ITGA2B: variants seen among roughly 807,000 people sequenced by gnomAD.
ITGA2B encodes integrin subunit alpha 2b, also known as integrin alpha-IIb.
A neutral mutation model predicts 142.0 loss-of-function variants in ITGA2B; 91 were observed. That is an observed-to-expected ratio of 0.64 (90% CI 0.54 to 0.76). ITGA2B has a LOEUF of 0.76. ITGA2B is among the 30% of genes least tolerant of loss of function. The pLI, the probability that ITGA2B is intolerant of heterozygous loss-of-function variation, is 0.00. For synonymous variants in ITGA2B, 536 were observed against 567.2 expected (o/e 0.94, Z 0.78); for missense variants, 1,231 against 1,350.8 (o/e 0.91, Z 1.39).
At chr17:44,372,471 G>T in intron 29 of ITGA2B, 48 bp from the exon 30 acceptor site, 1 of 1,567,528 alleles carries the variant, frequency 6.4e-7, no homozygotes, top group Non-Finnish European at 8.8e-7. Context: ...TGATTTGCTG[G>T]CCCCAGAGCA....
rs1213310591 is a variant in ITGA2B at position 44,389,412 on chromosome 17, A to C, written c.62T>G (p.Leu21Trp). ...LWLLEWVLLL[L>W]GPCAAPPAWA... ...GGCTGGAGGGGCAGCACAAGGTCCC[A>C]AGAGCAGCAGCACCCACTCCAGAAG... is the stretch of plus-strand genomic sequence containing the variant. Residue 21 changes from leucine (L) to tryptophan (W), a missense_variant, in exon 1 of 30, where the codon TTG becomes TGG. Physicochemically the swap from Leu to Trp is moderately conservative, Grantham distance 61. Around this residue, in one of 3 missense-constraint regions of ITGA2B, gnomAD observed 318 missense variants for 312.2 expected, o/e 1.02. Coordinates refer to ENST00000262407, the MANE Select transcript of ITGA2B (RefSeq NM_000419.5). The C allele has an allele frequency of 6.2e-7, 1 of 1,614,206 alleles. No homozygotes were observed. The highest frequency in any genetic ancestry group is 2.2e-5 in the East Asian group (1 of 44,880).
chr17:44,374,985 CGG>C lies in ITGA2B; in HGVS notation c.2841+11_2841+12del. ...CAGAAGGCCCGGCCCCGCCCCACCA[CGG>C]CCCACCCCACCTGGTAGAGGCTGGG... On this transcript the variant is annotated intron_variant, in intron 27 of 29. Transcript: ENST00000262407. 6.6e-7 allele frequency: 1 copy of C among 1,517,028 alleles called. No homozygotes were observed. Among genetic ancestry groups the C allele is most frequent in the Non-Finnish European group, 8.9e-7 (1 of 1,126,808 alleles). The allele number at this position is 1,517,028 out of a possible 1,614,324, so 94.0% of individuals were successfully genotyped here.
rs192192735 is a variant in ITGA2B at position 44,373,054 on chromosome 17, T to A, written c.3061-631A>T. ...ACTACCACACCTGACTAATTTTTTT[T>A]AAAAAACTTTTTTGTAGAGATGGAG... On this transcript the variant is annotated intron_variant, in intron 29 of 29. Transcript: ENST00000262407. Among the ~76,000 whole-genome samples, 629 of 152,302 alleles carry A rather than the reference T, an allele frequency of 4.1e-3. 3 individuals are homozygous for A. The highest frequency in any genetic ancestry group is 9.0e-3 in the African/African-American group (372 of 41,562).
chr17:44,373,998 TG>T, intron 29 of ITGA2B: 1 of 257,674 alleles, frequency 3.9e-6, no homozygotes, highest in Non-Finnish European at 7.8e-6. Context: ...CTCCGCCTCC[TG>T]GGTTCATGCA....
intron 12 of ITGA2B, 50 bp downstream of exon 12, chr17:44,383,443 G>A: frequency 6.5e-7 from 1 of 1,537,518 alleles, no homozygotes; most frequent in Non-Finnish European, 8.8e-7. Context: ...CATGCTTTTT[G>A]AGTGGCTGTT....
In ITGA2B at chr17:44,385,052, G is replaced by T. The variant is rs1362338842; in HGVS notation, c.695C>A (p.Ala232Glu). The T allele has an allele frequency of 6.2e-7, 1 of 1,614,110 alleles. No individual in the cohort carries two copies. Among genetic ancestry groups the T allele is most frequent in the Admixed American group, 1.7e-5 (1 of 60,024 alleles). Residue 232 changes from alanine (A) to glutamate (E), a missense_variant, in exon 7 of 30, where the codon GCG (alanine) becomes GAG (glutamate). Physicochemically the swap from Ala to Glu is moderately radical, Grantham distance 107. Around this residue, in one of 3 missense-constraint regions of ITGA2B, gnomAD observed 318 missense variants for 312.2 expected, o/e 1.02. Coordinates refer to ENST00000262407, the MANE Select transcript of ITGA2B (RefSeq NM_000419.5). The stretch of plus-strand genomic sequence containing the variant: ...TGGGCGGTAACTCGAGAAAATATCC[G>T]CAACTGGAGCCTGGGCCAGGAGACC... ...FLGLLAQAPV[A>E]DIFSSYRPGI...
At chr17:44,384,513 C>G (rs775681175) in intron 8 of ITGA2B, 25 bp downstream of exon 8, 1 of 1,614,054 alleles carries the variant, frequency 6.2e-7, no homozygotes, top group Non-Finnish European at 8.5e-7. Flanking sequence ...GGCTACCCAA[C>G]TCCCGCCCTA....
Position 44,372,299 on chromosome 17 carries a change from G to A in ITGA2B, c.*65C>T, listed in dbSNP as rs2048503752. The A allele has an allele frequency of 6.4e-7, 1 of 1,553,644 alleles. No individual in the cohort carries two copies. Among genetic ancestry groups the A allele is most frequent in the Non-Finnish European group, 8.9e-7 (1 of 1,125,458 alleles). ...CCAACCCAAAGCTTGGAGGCAACTTGTTGGAGAAGGGGCGGTGCAGGTAGC... is the reference window on the plus strand; with the variant it reads ...CCAACCCAAAGCTTGGAGGCAACTTATTGGAGAAGGGGCGGTGCAGGTAGC... On this transcript the variant is annotated 3_prime_UTR_variant, in exon 30 of 30. Transcript: ENST00000262407.
intron 1 of ITGA2B, among the ~76,000 whole-genome samples, chr17:44,387,960 A>C (rs1404829058): frequency 6.6e-6 from 1 of 151,678 alleles, no homozygotes; most frequent in African/African-American, 2.4e-5. Flanking sequence ...CCCACTTCTC[A>C]TTGATCAGAC....
chr17:44,389,165 A>C, intron 1 of ITGA2B, 121 bp downstream of exon 1: 1 of 1,109,386 alleles, frequency 9.0e-7, no homozygotes, highest in Non-Finnish European at 1.4e-6. Context: ...ATCAACCTGA[A>C]TAGGCCCCAC....
chr17:44,386,093 G>A lies in ITGA2B; in HGVS notation c.227C>T (p.Pro76Leu). 6.2e-7 allele frequency: 1 copy of A among 1,608,920 alleles called. No individual in the cohort carries two copies. Reference protein sequence around the residue: ...IVVGAPRTLGPSQEETGGVFL... With the variant: ...IVVGAPRTLGLSQEETGGVFL... ...CACGCCGCCCGTCTCCTCCTGGCTG[G>A]GGCCCAGGGTCCGCGGGGCGCCCAC... Residue 76 changes from proline to leucine, a missense_variant, in exon 2 of 30, where the codon CCC becomes CTC. This residue lies in a region of ITGA2B where 318 missense variants were observed against 312.2 expected (regional missense o/e 1.02). Transcript: ENST00000262407.
rs2048538023 is a variant in ITGA2B, at chr17:44,375,872, G to T, written c.2562C>A (p.Gly854=). Reference sequence around the variant, plus strand: ...CAGGAGGCTGTGGGAAGCACTGAAGGCCCCCCTGGGGCTGTATATCCAGGA... The same window carrying T: ...CAGGAGGCTGTGGGAAGCACTGAAGTCCCCCCTGGGGCTGTATATCCAGGA... ...LYILDIQPQG[G]LQCFPQPPVN... Residue 854 remains glycine (G), a synonymous_variant, in exon 25 of 30, where the codon GGC becomes GGA. Transcript: ENST00000262407. 7 of 1,601,654 alleles carry T rather than the reference G, an allele frequency of 4.4e-6. No individual in the cohort carries two copies. The highest frequency in any genetic ancestry group is 6.0e-6 in the Non-Finnish European group (7 of 1,174,440).
intron 13 of ITGA2B, 96 bp from the exon 14 acceptor site, chr17:44,380,741 A>C: frequency 6.3e-7 from 1 of 1,594,878 alleles, no homozygotes; most frequent in Non-Finnish European, 8.6e-7. Context: ...CCCCCACTGG[A>C]GGTTTCACCC....
At chr17:44,380,728 C>T (rs749146066) in intron 13 of ITGA2B, 83 bp from the exon 14 acceptor site, 11 of 1,600,914 alleles carry the variant, frequency 6.9e-6, no homozygotes, top group Admixed American at 1.7e-5. Flanking sequence ...CCCCACACCA[C>T]CTCCCCCACT....
At position 44,386,120 on chromosome 17, in the gene ITGA2B, A is replaced by G. The variant is rs1160717973; in HGVS notation, c.200T>C (p.Val67Ala). The stretch of plus-strand genomic sequence containing the variant: ...GCCCAGGGTCCGCGGGGCGCCCACC[A>G]CGATGGCCACTCTGCATAGGAAAGC... ...HKDSHGRVAI[V>A]VGAPRTLGPS... Residue 67 changes from valine to alanine, a missense_variant, in exon 2 of 30, where the codon GTG (valine) becomes GCG (alanine). By Grantham distance (64) the Val-to-Ala change is moderately conservative. Around this residue, in one of 3 missense-constraint regions of ITGA2B, gnomAD observed 318 missense variants for 312.2 expected, o/e 1.02. Transcript: ENST00000262407. 40 of 1,599,792 alleles carry G rather than the reference A, an allele frequency of 2.5e-5. No individual in the cohort carries two copies. The highest frequency in any genetic ancestry group is 3.1e-5 in the Non-Finnish European group (36 of 1,175,530).
At position 44,386,072 on chromosome 17, in the gene ITGA2B, C is replaced by T. The variant is rs2048646352; in HGVS notation, c.248G>A (p.Gly83Asp). The change falls in exon 2 of 30, where the codon GGC becomes GAC. Residue 83 changes from glycine (G) to aspartate (D), a missense_variant. By Grantham distance (94) the Gly-to-Asp change is moderately conservative. Coordinates refer to ENST00000262407, the MANE Select transcript of ITGA2B (RefSeq NM_000419.5). ...TLGPSQEETG[G>D]VFLCPWRAEG... ...GGCCCTCCAGGGGCACAGGAACACG[C>T]CGCCCGTCTCCTCCTGGCTGGGGCC... 2.5e-6 allele frequency: 4 copies of T among 1,611,358 alleles called. No individual in the cohort carries two copies. Among genetic ancestry groups the T allele is most frequent in the Non-Finnish European group, 3.4e-6 (4 of 1,179,732 alleles).
In ITGA2B at chr17:44,389,269, C is replaced by T. The variant is rs770218211; in HGVS notation, c.188+17G>A. ...GTCCTGCTCTCTCCCAATACCCCAA[C>T]TTCCCTTACGGCTCACCTCCCATGG... On this transcript the variant is annotated intron_variant, in intron 1 of 29. Coordinates refer to ENST00000262407, the MANE Select transcript of ITGA2B (RefSeq NM_000419.5). The T allele has an allele frequency of 5.0e-6, 8 of 1,613,956 alleles. No homozygotes were observed. The Admixed American group carries it at 6.7e-5, about 13-fold the overall frequency.
chr17:44,379,798 C>T lies in ITGA2B; in HGVS notation c.1769G>A (p.Arg590Gln), dbSNP rs747930676. The change falls in exon 18 of 30, where the codon CGG becomes CAG. Residue 590 changes from arginine (R) to glutamine (Q), a missense_variant. By Grantham distance (43) the Arg-to-Gln change is conservative (BLOSUM62 1). Transcript: ENST00000262407. The part of the protein sequence containing the change: ...MAFLRDEADF[R>Q]DKLSPIVLSL... ...GAGCACAATGGGGCTCAGCTTGTCC[C>T]GGAAGTCTGCCTCATCCTAGGACAG... is the stretch of plus-strand genomic sequence containing the variant. The T allele has an allele frequency of 2.1e-5, 34 of 1,613,698 alleles. No individual in the cohort carries two copies. The highest frequency in any genetic ancestry group is 1.5e-4 in the Admixed American group (9 of 59,992).
intron 12 of ITGA2B, among the ~76,000 whole-genome samples, chr17:44,382,461 G>A (rs1193922687): frequency 6.6e-6 from 1 of 151,716 alleles, no homozygotes; most frequent in Non-Finnish European, 1.5e-5. Flanking sequence ...TTATGTCACT[G>A]TCACCAATAA....
Sources: gnomAD v4.1 joint callset for allele counts (sites outside exome capture counted in the v4.1 genomes callset) on GRCh38, gnomAD v4.1.1 for gene constraint, gnomAD v4.1.1 regional missense constraint, MANE v1.5 for transcripts, NCBI Gene and HGNC (gene_info 2026-07-23, HGNC 2026-07-21) for gene names.